The following ARHGEF3 variants were observed in gnomAD, a reference collection of about 807,000 sequenced individuals.
The protein encoded by ARHGEF3 is 59.8 kDA protein.
In ARHGEF3, 28 loss-of-function variants were observed where a neutral mutation model predicts 63.2. The ratio of observed to expected loss-of-function variants is 0.44; its 90% CI spans 0.33 to 0.61. The LOEUF (loss-of-function observed/expected upper bound fraction) is 0.61. ARHGEF3 is among the 20% of genes least tolerant of loss of function. ARHGEF3 has a pLI of 0.03. For missense variants in ARHGEF3, 533 were observed against 659.3 expected, an observed-to-expected ratio of 0.81 and a Z score of 2.10; for synonymous variants, 266 against 254.2, an observed-to-expected ratio of 1.05 and a Z score of -0.44.
chr3:57,071,246 A>T (rs1297690185), intron 1 of ARHGEF3, among the ~76,000 whole-genome samples: 2 of 152,234 alleles, frequency 1.3e-5, no homozygotes, highest in Non-Finnish European at 2.9e-5. Flanking sequence ...TTCTGGGACA[A>T]CAGGATTTCC....
At chr3:56,870,407 T>C (rs1275478959) in intron 4 of ARHGEF3, among the ~76,000 whole-genome samples, 1 of 152,158 alleles carries the variant, frequency 6.6e-6, no homozygotes, top group Non-Finnish European at 1.5e-5. Context: ...CTATATGGCA[T>C]TCTGAAAAAG....
At chr3:56,949,600 A>G (rs951542582) in intron 3 of ARHGEF3, among the ~76,000 whole-genome samples, 12 of 152,074 alleles carry the variant, frequency 7.9e-5, no homozygotes, top group African/African-American at 2.9e-4. Flanking sequence ...TTCAAGGAGA[A>G]CCACAAACCA....
At chr3:56,967,700 ACAT>A (rs1700617755) in intron 2 of ARHGEF3, among the ~76,000 whole-genome samples, 1 of 72,142 alleles carries the variant, frequency 1.4e-5, no homozygotes, top group Non-Finnish European at 2.3e-5. Flanking sequence ...AACATAATAA[ACAT>A]TATATTATAT....
intron 3 of ARHGEF3, among the ~76,000 whole-genome samples, chr3:56,898,844 C>CAAGAGATCAAGACCATCCTGGCTAACA (rs2041404438): frequency 6.6e-6 from 1 of 152,052 alleles, no homozygotes; most frequent in Non-Finnish European, 1.5e-5. Context: ...ATCACGAGGT[C>CAAGAGATCAAGACCATCCTGGCTAACA]AAGAGATCAA....
At chr3:56,735,724 T>C (rs1227000739) in intron 8 of ARHGEF3, among the ~76,000 whole-genome samples, 1 of 152,180 alleles carries the variant, frequency 6.6e-6, no homozygotes, top group East Asian at 1.9e-4. Flanking sequence ...TGCAGCTTTC[T>C]AGCAATCAGT....
At chr3:57,048,181 G>A (rs1326631162) in intron 1 of ARHGEF3, among the ~76,000 whole-genome samples, 1 of 152,098 alleles carries the variant, frequency 6.6e-6, no homozygotes, top group Admixed American at 6.6e-5. Flanking sequence ...GATCTGCTTT[G>A]CAAGATCCCT....
At chr3:57,041,955 C>T (rs1352788933) in intron 1 of ARHGEF3, among the ~76,000 whole-genome samples, 1 of 152,164 alleles carries the variant, frequency 6.6e-6, no homozygotes, top group East Asian at 1.9e-4. Context: ...GAGGCCACCA[C>T]CCCCGAGGGC....
At chr3:57,057,355 A>C (rs9867762) in intron 1 of ARHGEF3, among the ~76,000 whole-genome samples, 132,515 of 152,206 alleles carry the variant, frequency 0.87, 57,771 homozygotes, top group East Asian at 0.96. Flanking sequence ...AAGTGATCCG[A>C]CTGCCTTGGC....
intron 4 of ARHGEF3, among the ~76,000 whole-genome samples, chr3:56,836,218 T>A (rs1281053025): frequency 6.6e-6 from 1 of 152,176 alleles, no homozygotes; most frequent in Non-Finnish European, 1.5e-5. Context: ...CATGAAAAAC[T>A]CCTAATGAAT....
chr3:56,992,024 C>CTCTCTCTCTG lies in ARHGEF3; in HGVS notation c.63-33136_63-33135insCAGAGAGAGA, dbSNP rs1239113895. 2.0e-3 allele frequency among the ~76,000 whole-genome samples: 263 copies of CTCTCTCTCTG among 131,704 alleles called. 2 individuals are homozygous for CTCTCTCTCTG. Among genetic ancestry groups the CTCTCTCTCTG allele is most frequent in the African/African-American group, 7.3e-3 (251 of 34,438 alleles). 86.4% of individuals were successfully genotyped at this position (131,704 alleles called of 152,430 possible). A position where few individuals can be genotyped will look rare whatever the true frequency, so the allele number is the denominator to read the frequency against. On this transcript the variant is annotated intron_variant, in intron 2 of 12. Transcript: ENST00000338458. ...TCTCACTCTCTCTCCCCTCCTCTCT[C>CTCTCTCTCTG]TGTGTGTGTGTGTGTGTGTGTGTGT...
At chr3:56,802,029 C>T (rs922224742), upstream of ARHGEF3, 58 of 1,399,902 alleles carry the variant, frequency 4.1e-5, no homozygotes, top group African/African-American at 7.5e-4. Flanking sequence ...GGCTCGGCAC[C>T]GCCCCACGCT....
At chr3:57,073,800 G>C in intron 1 of ARHGEF3, 1 of 1,614,216 alleles carries the variant, frequency 6.2e-7, no homozygotes, top group Non-Finnish European at 8.5e-7. Flanking sequence ...GCCACCCAGA[G>C]GCCTTGGGTC....
chr3:56,992,900 C>G (rs1037385697), intron 2 of ARHGEF3, among the ~76,000 whole-genome samples: 3 of 152,202 alleles, frequency 2.0e-5, no homozygotes, highest in Admixed American at 2.0e-4. Flanking sequence ...GTGGCGCTAT[C>G]TCGGCTCACT....
rs532021863 is a variant in ARHGEF3, at chr3:56,759,331, C to G, written c.205-4180G>C. ...TAGCTGGGACTACAGGAGCCCGCCA[C>G]CAGGCCCAGCTAATTTTTTTGTATT... On this transcript the variant is annotated intron_variant, in intron 2 of 9. Coordinates refer to ENST00000296315, the MANE Select transcript of ARHGEF3 (RefSeq NM_019555.3). Among the ~76,000 whole-genome samples the G allele has an allele frequency of 2.6e-5, 4 of 152,170 alleles. No homozygotes were observed. In the East Asian group the frequency reaches 7.8e-4, roughly 30 times the overall value.
chr3:56,839,414 G>A (rs1289196299), intron 4 of ARHGEF3, among the ~76,000 whole-genome samples: 1 of 151,824 alleles, frequency 6.6e-6, no homozygotes, highest in African/African-American at 2.4e-5. Context: ...TTTTAAAGAA[G>A]ACTGTGTGGT....
chr3:56,938,134 C>T (rs1342669661), intron 3 of ARHGEF3, among the ~76,000 whole-genome samples: 2 of 152,132 alleles, frequency 1.3e-5, no homozygotes, highest in East Asian at 1.9e-4. Context: ...TTATTTCCAG[C>T]ACCACGTGGG....
intron 2 of ARHGEF3, among the ~76,000 whole-genome samples, chr3:57,005,887 C>G (rs1271805115): frequency 6.6e-6 from 1 of 152,188 alleles, no homozygotes; most frequent in Non-Finnish European, 1.5e-5. Context: ...TTCTAGTGTT[C>G]AAAGTTTTTT....
chr3:57,015,593 C>T (rs1702959563), intron 2 of ARHGEF3, among the ~76,000 whole-genome samples: 1 of 147,228 alleles, frequency 6.8e-6, no homozygotes, highest in Admixed American at 7.1e-5. Context: ...ACCACCACGC[C>T]CTGCTAATTT....
chr3:57,020,839 C>A (rs1210560926), intron 2 of ARHGEF3, among the ~76,000 whole-genome samples: 1 of 152,266 alleles, frequency 6.6e-6, no homozygotes, highest in Non-Finnish European at 1.5e-5. Context: ...AACTGCATTT[C>A]TGTCACTTGC....
Sources: allele counts gnomAD v4.1 joint callset (sites outside exome capture counted in the v4.1 genomes callset), GRCh38; gene constraint gnomAD v4.1.1; transcripts MANE v1.5; gene names NCBI Gene and HGNC (gene_info 2026-07-23, HGNC 2026-07-21).